KIAA1217: variants seen among roughly 807,000 people sequenced by gnomAD.
The protein encoded by KIAA1217 is sickle tail protein homolog.
KIAA1217 carries 88 observed loss-of-function variants against 163.9 expected under a neutral mutation model. The ratio of observed to expected loss-of-function variants is 0.54; its 90% CI spans 0.45 to 0.64. The LOEUF (loss-of-function observed/expected upper bound fraction) is 0.64. Ranked by LOEUF, KIAA1217 falls within the 30% of genes least tolerant of loss-of-function variation. The pLI, the probability that KIAA1217 is intolerant of heterozygous loss-of-function variation, is 0.00. For synonymous variants in KIAA1217, 903 were observed against 923.1 expected, an observed-to-expected ratio of 0.98 and a Z score of 0.39; for missense variants, 2,372 against 2,475.0, an observed-to-expected ratio of 0.96 and a Z score of 0.88.
At chr10:24,186,785 G>A (rs896273855) in intron 2 of KIAA1217, among the ~76,000 whole-genome samples, 1 of 152,146 alleles carries the variant, frequency 6.6e-6, no homozygotes, top group East Asian at 1.9e-4. Context: ...AGCTATCATG[G>A]AGGCTGAAGC....
chr10:24,544,513 C>G, intron 19 of KIAA1217, 32 bp downstream of exon 19: 1 of 1,567,202 alleles, frequency 6.4e-7, no homozygotes, highest in Non-Finnish European at 8.6e-7. Context: ...TGAAAAGACC[C>G]AGCTGCTTTC....
chr10:24,474,596 A>C (rs2063818351), intron 6 of KIAA1217, among the ~76,000 whole-genome samples: 2 of 152,224 alleles, frequency 1.3e-5, no homozygotes, highest in Non-Finnish European at 2.9e-5. Flanking sequence ...GCATGAAAAT[A>C]GAATGGCTTA....
intron 1 of KIAA1217, among the ~76,000 whole-genome samples, chr10:24,212,100 A>G (rs955149174): frequency 6.6e-6 from 1 of 152,092 alleles, no homozygotes; most frequent in African/African-American, 2.4e-5. Context: ...AAAGAAAAAA[A>G]AAGAAGAGAG....
chr10:24,164,876 T>C (rs1172299175), intron 2 of KIAA1217, among the ~76,000 whole-genome samples: 1 of 152,154 alleles, frequency 6.6e-6, no homozygotes, highest in Non-Finnish European at 1.5e-5. Context: ...ACTCAATGGA[T>C]GCCATGCTCA....
intron 1 of KIAA1217, among the ~76,000 whole-genome samples, chr10:23,982,242 G>A (rs775520092): frequency 6.6e-6 from 1 of 152,092 alleles, no homozygotes; most frequent in Non-Finnish European, 1.5e-5. Context: ...AAAGAAACTG[G>A]GTATCAGGGA....
At chr10:24,411,694 A>G (rs962134740) in intron 3 of KIAA1217, among the ~76,000 whole-genome samples, 1 of 152,214 alleles carries the variant, frequency 6.6e-6, no homozygotes, top group African/African-American at 2.4e-5. Flanking sequence ...TGCAAGTATC[A>G]CTAAAGAATC....
At chr10:23,872,154 AGAGT>A (rs1840484282) in intron 1 of KIAA1217, among the ~76,000 whole-genome samples, 1 of 152,084 alleles carries the variant, frequency 6.6e-6, no homozygotes, top group Non-Finnish European at 1.5e-5. Flanking sequence ...TTAGAGCAGC[AGAGT>A]GAGACTAGGG....
At chr10:24,364,608 C>T (rs1396700536) in intron 2 of KIAA1217, among the ~76,000 whole-genome samples, 3 of 152,134 alleles carry the variant, frequency 2.0e-5, no homozygotes, top group Non-Finnish European at 2.9e-5. Flanking sequence ...GGGGCCTTCC[C>T]TGCTCTGATG....
intron 6 of KIAA1217, among the ~76,000 whole-genome samples, chr10:24,479,723 C>A (rs781544642): frequency 1.3e-5 from 2 of 152,116 alleles, no homozygotes; most frequent in Non-Finnish European, 2.9e-5. Flanking sequence ...TAGCTTCTGG[C>A]AAGGCCTTTT....
At chr10:24,426,214 A>T (rs1266918395) in intron 3 of KIAA1217, among the ~76,000 whole-genome samples, 1 of 152,240 alleles carries the variant, frequency 6.6e-6, no homozygotes, top group African/African-American at 2.4e-5. Context: ...TACAGGAATA[A>T]TTTAATGTGT....
chr10:23,923,690 C>T (rs1346442830), intron 1 of KIAA1217, among the ~76,000 whole-genome samples: 2 of 152,196 alleles, frequency 1.3e-5, no homozygotes, highest in African/African-American at 4.8e-5. Flanking sequence ...GTTTCTCCCC[C>T]TGGAGCTCAC....
At chr10:24,494,831 A>G in intron 7 of KIAA1217, 1 of 579,858 alleles carries the variant, frequency 1.7e-6, no homozygotes. Context: ...TGGCCCAAGA[A>G]GGTAAATGGG....
chr10:24,465,695 AT>A (rs1385220020), intron 5 of KIAA1217, among the ~76,000 whole-genome samples: 2 of 152,320 alleles, frequency 1.3e-5, no homozygotes, highest in East Asian at 3.9e-4. Flanking sequence ...CTAGCAATGC[AT>A]TAATGCCAGT....
intron 3 of KIAA1217, among the ~76,000 whole-genome samples, chr10:24,410,365 C>G (rs1358111470): frequency 1.3e-5 from 2 of 152,106 alleles, no homozygotes; most frequent in Non-Finnish European, 2.9e-5. Context: ...ATTATTTTGC[C>G]TAATAAAACT....
chr10:23,783,688 A>G (rs1330623495), intron 1 of KIAA1217, among the ~76,000 whole-genome samples: 2 of 152,042 alleles, frequency 1.3e-5, no homozygotes, highest in Admixed American at 6.5e-5. Flanking sequence ...CTCTCTGGTC[A>G]TGGTTTTGTG....
chr10:23,935,337 T>A (rs1312352785), intron 1 of KIAA1217, among the ~76,000 whole-genome samples: 1 of 152,200 alleles, frequency 6.6e-6, no homozygotes, highest in Non-Finnish European at 1.5e-5. Context: ...ATATCAGACT[T>A]CTGCCCACCT....
chr10:24,438,295 G>GT, intron 4 of KIAA1217, 91 bp from the exon 5 acceptor site: 1 of 861,292 alleles, frequency 1.2e-6, no homozygotes, highest in Non-Finnish European at 2.0e-6. Flanking sequence ...GTCTGTTCAT[G>GT]TTTTTTACCT....
At chr10:23,910,126 A>G (rs2131267065) in intron 1 of KIAA1217, among the ~76,000 whole-genome samples, 1 of 152,078 alleles carries the variant, frequency 6.6e-6, no homozygotes, top group Admixed American at 6.5e-5. Flanking sequence ...AGGGAGGGGA[A>G]CATCACACAC....
chr10:24,020,791 C>T (rs1325862558), intron 2 of KIAA1217, among the ~76,000 whole-genome samples: 1 of 151,778 alleles, frequency 6.6e-6, no homozygotes, highest in Non-Finnish European at 1.5e-5. Context: ...AGTAGCTACA[C>T]AAAGCAGAGG....
Sources: allele counts gnomAD v4.1 joint callset (sites outside exome capture counted in the v4.1 genomes callset), GRCh38; gene constraint gnomAD v4.1.1; transcripts MANE v1.5; gene names NCBI Gene and HGNC (gene_info 2026-07-23, HGNC 2026-07-21).